SLC1A5: variants seen among roughly 807,000 people sequenced by gnomAD.
The protein encoded by SLC1A5 is neutral amino acid transporter B(0).
A neutral mutation model predicts 34.9 loss-of-function variants in SLC1A5; 25 were observed. The observed-to-expected ratio is 0.72, with a 90% CI of 0.52 to 1.00. The LOEUF is 1.00. Among genes scored for constraint, SLC1A5 ranks in the 50% least tolerant of loss-of-function variants. SLC1A5 has a pLI of 0.00. For missense variants in SLC1A5, 637 were observed against 740.0 expected, an observed-to-expected ratio of 0.86 and a Z score of 1.61; for synonymous variants, 351 against 341.2, an observed-to-expected ratio of 1.03 and a Z score of -0.32.
intron 1 of SLC1A5, among the ~76,000 whole-genome samples, chr19:46,785,201 C>T (rs1192479284): frequency 1.3e-5 from 2 of 152,032 alleles, no homozygotes; most frequent in Admixed American, 1.3e-4. Flanking sequence ...GGCAACATGA[C>T]GAAACCGTGT....
At chr19:46,777,182 G>T (rs1386002516) in intron 6 of SLC1A5, 29 bp downstream of exon 6, 1 of 1,601,748 alleles carries the variant, frequency 6.2e-7, no homozygotes, top group East Asian at 2.2e-5. Context: ...GGGGTCCGGG[G>T]GTCCCATCCG....
intron 4 of SLC1A5, 41 bp downstream of exon 4, chr19:46,782,342 T>TGCC: frequency 1.9e-6 from 1 of 523,372 alleles, no homozygotes. Flanking sequence ...AGACCGACCC[T>TGCC]CCAACCCCAC....
In SLC1A5 at chr19:46,788,329, G is replaced by T. The variant is rs947689743; in HGVS notation, c.-364C>A. The T allele has an allele frequency of 4.5e-6, 1 of 224,696 alleles. No individual in the cohort carries two copies. The highest frequency in any genetic ancestry group is 8.6e-6 in the Non-Finnish European group (1 of 115,914). The allele number at this position is 224,696 out of a possible 1,614,324, so 13.9% of individuals were successfully genotyped here. A position where few individuals can be genotyped will look rare whatever the true frequency, so the allele number is the denominator to read the frequency against. Reference sequence around the variant, plus strand: ...AGGTTGAGTGCCCCCAGATGGCGGAGGTCTGCAGGAGGCTAGGTTCTGGTG... The same window carrying T: ...AGGTTGAGTGCCCCCAGATGGCGGATGTCTGCAGGAGGCTAGGTTCTGGTG... On this transcript the variant is annotated 5_prime_UTR_variant, in exon 1 of 8. Coordinates refer to ENST00000542575, the MANE Select transcript of SLC1A5 (RefSeq NM_005628.3).
In SLC1A5 at chr19:46,787,328, C is replaced by T. The variant is rs529916684; in HGVS notation, c.566+72G>A. ...TCTCTGCTCCAGGGGCCCCAAAGCC[C>T]CGTCCTGTCCACGTGACCACTCCCG... On this transcript the variant is annotated intron_variant, in intron 1 of 7. Coordinates refer to ENST00000542575, the MANE Select transcript of SLC1A5 (RefSeq NM_005628.3). The surrounding 1 kb of genome is among the most constrained non-coding windows in gnomAD (Gnocchi z 5.2). 786 of 1,541,720 alleles carry T rather than the reference C, an allele frequency of 5.1e-4. 3 individuals carry two copies. Among genetic ancestry groups the T allele is most frequent in the Admixed American group, 7.0e-4 (35 of 50,106 alleles).
rs3826793 is a variant in SLC1A5 at position 46,787,394 on chromosome 19, G to T, written c.566+6C>A. On this transcript the variant is annotated splice_donor_region_variant and intron_variant, in intron 1 of 7. Coordinates refer to ENST00000542575, the MANE Select transcript of SLC1A5 (RefSeq NM_005628.3). The surrounding 1 kb of genome is among the most constrained non-coding windows in gnomAD (Gnocchi z 5.2). ...TTCCCCACCTCCCGGGGGAGCGGGA[G>T]CTGACCTCGCAAGATCCAGGAACGA... 0.071 allele frequency: 112,132 copies of T among 1,588,480 alleles called. 9,149 individuals carry two copies. The highest frequency in any genetic ancestry group is 0.36 in the African/African-American group (26,455 of 74,296).
At position 46,777,742 on chromosome 19, in the gene SLC1A5, C is replaced by T. The variant is rs554646715; in HGVS notation, c.1059-337G>A. Among the ~76,000 whole-genome samples the T allele has an allele frequency of 9.3e-5, 14 of 151,040 alleles. No individual in the cohort carries two copies. In the South Asian group the frequency reaches 2.9e-3, roughly 32 times the overall value. ...CCAGATCCTGCCCATACCACCTGCC[C>T]AGCCGAAGTCCCACCCACGTCCCCA... is the stretch of plus-strand genomic sequence containing the variant. On this transcript the variant is annotated intron_variant, in intron 5 of 7. Coordinates refer to ENST00000542575, the MANE Select transcript of SLC1A5 (RefSeq NM_005628.3).
At chr19:46,782,340 C>T in intron 4 of SLC1A5, 43 bp downstream of exon 4, 1 of 833,104 alleles carries the variant, frequency 1.2e-6, no homozygotes. Context: ...GCAGACCGAC[C>T]CTCCAACCCC....
chr19:46,781,337 G>A (rs1253049167), intron 4 of SLC1A5, among the ~76,000 whole-genome samples: 5 of 152,118 alleles, frequency 3.3e-5, no homozygotes, highest in African/African-American at 1.2e-4. Flanking sequence ...GGTGGCTCAC[G>A]CCTGTAATCC....
rs2055076082 is a variant in SLC1A5 at position 46,775,280 on chromosome 19, G to C, written c.*230C>G. The C allele has an allele frequency of 7.8e-7, 1 of 1,289,408 alleles. No individual in the cohort carries two copies. Among genetic ancestry groups the C allele is most frequent in the Non-Finnish European group, 9.8e-7 (1 of 1,016,070 alleles). 79.9% of individuals were successfully genotyped at this position (1,289,408 alleles called of 1,614,324 possible). A position where few individuals can be genotyped will look rare whatever the true frequency, so the allele number is the denominator to read the frequency against. ...CTCCATCTTGCTGTTTTCTAGCCTT[G>C]AGTTGGGGACATGAGTGAGAACTGG... On this transcript the variant is annotated 3_prime_UTR_variant, in exon 8 of 8. Coordinates refer to ENST00000542575, the MANE Select transcript of SLC1A5 (RefSeq NM_005628.3).
chr19:46,777,875 C>CCA (rs968382858), intron 5 of SLC1A5, among the ~76,000 whole-genome samples: 3 of 151,358 alleles, frequency 2.0e-5, no homozygotes, highest in Non-Finnish European at 4.4e-5. Flanking sequence ...AGCTCTTTTC[C>CCA]CACAAGCAGG....
chr19:46,787,692 G>T lies in SLC1A5; in HGVS notation c.274C>A (p.Pro92Thr), dbSNP rs2055196815. 1.3e-6 allele frequency: 2 copies of T among 1,588,330 alleles called. No individual in the cohort carries two copies. Among genetic ancestry groups the T allele is most frequent in the African/African-American group, 1.3e-5 (1 of 74,658 alleles). ...AGCAGACGCAGCAGCAGCTCGCCCGGGAAGACGAAGGCGCTCAAGCGCTCC... is the reference window on the plus strand; with the variant it reads ...AGCAGACGCAGCAGCAGCTCGCCCGTGAAGACGAAGGCGCTCAAGCGCTCC... ...GPERLSAFVF[P>T]GELLLRLLRM... Residue 92 changes from proline to threonine, a missense_variant, in exon 1 of 8, where the codon CCG becomes ACG. By Grantham distance (38) the Pro-to-Thr change is conservative. Coordinates refer to ENST00000542575, the MANE Select transcript of SLC1A5 (RefSeq NM_005628.3). The surrounding 1 kb of genome is among the most constrained non-coding windows in gnomAD (Gnocchi z 5.2).
rs969130290 is a variant in SLC1A5 at position 46,775,207 on chromosome 19, C to T, written c.*303G>A. ...GTGACCTGTGACCTGCTCCCTGAGA[C>T]AGGGGAGGCCAGGCAGGTCACGGTG... On this transcript the variant is annotated 3_prime_UTR_variant, in exon 8 of 8. Transcript: ENST00000542575. 2.7e-6 allele frequency: 3 copies of T among 1,102,698 alleles called. No individual in the cohort carries two copies. The highest frequency in any genetic ancestry group is 3.3e-5 in the African/African-American group (2 of 61,014). The allele number at this position is 1,102,698 out of a possible 1,614,324, so 68.3% of individuals were successfully genotyped here. A position where few individuals can be genotyped will look rare whatever the true frequency, so the allele number is the denominator to read the frequency against.
intron 1 of SLC1A5, among the ~76,000 whole-genome samples, chr19:46,786,005 A>G (rs920976373): frequency 2.0e-5 from 3 of 151,036 alleles, no homozygotes; most frequent in Admixed American, 1.3e-4. Context: ...GGTTGCAATG[A>G]GCCAAGATCG....
At chr19:46,783,466 C>CAA (rs113636275) in intron 3 of SLC1A5, among the ~76,000 whole-genome samples, 191 of 99,796 alleles carry the variant, frequency 1.9e-3, no homozygotes, top group African/African-American at 5.7e-3. Flanking sequence ...AATTCTGTCT[C>CAA]AAAAAAAAAA....
At position 46,777,390 on chromosome 19, in the gene SLC1A5, C is replaced by T. The variant is rs1431941890; in HGVS notation, c.1074G>A (p.Pro358=). ...FGTSSSSATL[P]LMMKCVEENN... ...TCTCCTCCACGCACTTCATCATCAG[C>T]GGCAGCGTGGCGGAACTGCAAGGGA... Residue 358 remains proline, a synonymous_variant, in exon 6 of 8, where the codon CCG becomes CCA. Coordinates refer to ENST00000542575, the MANE Select transcript of SLC1A5 (RefSeq NM_005628.3). 1.2e-6 allele frequency: 2 copies of T among 1,608,840 alleles called. No homozygotes were observed. Among genetic ancestry groups the T allele is most frequent in the East Asian group, 2.2e-5 (1 of 44,822 alleles).
intron 5 of SLC1A5, among the ~76,000 whole-genome samples, 163 bp downstream of exon 5, chr19:46,778,512 T>C (rs1001460321): frequency 1.8e-4 from 27 of 152,142 alleles, no homozygotes; most frequent in Admixed American, 5.2e-4. Flanking sequence ...AGGGCAATCA[T>C]TTCCTATCTT....
chr19:46,783,686 T>C (rs577164373), intron 3 of SLC1A5, among the ~76,000 whole-genome samples: 1 of 152,092 alleles, frequency 6.6e-6, no homozygotes, highest in South Asian at 2.1e-4. Flanking sequence ...CTGGGAAGGC[T>C]GAGGTGAGAA....
chr19:46,782,729 G>A (rs1192734275), intron 3 of SLC1A5, among the ~76,000 whole-genome samples, 180 bp from the exon 4 acceptor site: 4 of 152,166 alleles, frequency 2.6e-5, no homozygotes, highest in Admixed American at 2.6e-4. Flanking sequence ...ATGGCCCAGA[G>A]TAGGTGGGGC....
chr19:46,786,214 G>A (rs1322908633), intron 1 of SLC1A5, among the ~76,000 whole-genome samples: 3 of 152,212 alleles, frequency 2.0e-5, no homozygotes, highest in African/African-American at 4.8e-5. Flanking sequence ...GTGAGCGTGT[G>A]TATGACCGCT....
Sources: gnomAD v4.1 joint callset for allele counts (sites outside exome capture counted in the v4.1 genomes callset) on GRCh38, gnomAD v4.1.1 for gene constraint, Gnocchi (gnomAD v3.1) non-coding constraint, MANE v1.5 for transcripts, NCBI Gene and HGNC (gene_info 2026-07-23, HGNC 2026-07-21) for gene names.